PHACTR1: variants seen among roughly 807,000 people sequenced by gnomAD.
The protein encoded by PHACTR1 is phosphatase and actin regulator 1, also known as RPEL repeat containing 1.
A neutral mutation model predicts 69.2 loss-of-function variants in PHACTR1; 16 were observed. That is an observed-to-expected ratio of 0.23 (90% CI 0.16 to 0.35). PHACTR1 has a LOEUF of 0.35. Ranked by LOEUF, PHACTR1 falls within the 10% of genes least tolerant of loss-of-function variation. The pLI, the probability that PHACTR1 is intolerant of heterozygous loss-of-function variation, is 1.00. For synonymous variants in PHACTR1, 312 were observed against 284.5 expected (o/e 1.10, Z -0.97); for missense variants, 510 against 734.7 (o/e 0.69, Z 3.54).
At chr6:12,968,098 G>C (rs1004975638) in intron 4 of PHACTR1, among the ~76,000 whole-genome samples, 1 of 152,106 alleles carries the variant, frequency 6.6e-6, no homozygotes, top group Non-Finnish European at 1.5e-5. Context: ...AACTCTTTCA[G>C]GGAAAAGAAC....
intron 4 of PHACTR1, among the ~76,000 whole-genome samples, chr6:12,951,409 A>T (rs1791278203): frequency 6.6e-6 from 1 of 152,262 alleles, no homozygotes; most frequent in African/African-American, 2.4e-5. Flanking sequence ...TTAGTCAGCC[A>T]GGGATAGCAA....
chr6:13,034,330 T>A (rs1318031890), intron 4 of PHACTR1, among the ~76,000 whole-genome samples: 1 of 152,186 alleles, frequency 6.6e-6, no homozygotes, highest in Admixed American at 6.5e-5. Context: ...ACTTTTCTTT[T>A]TCTAATGCAC....
At chr6:12,837,573 C>A (rs1029317831) in intron 4 of PHACTR1, among the ~76,000 whole-genome samples, 5 of 152,124 alleles carry the variant, frequency 3.3e-5, no homozygotes, top group East Asian at 1.9e-4. Context: ...GAAGAGATAT[C>A]ATTTGTCCAA....
At chr6:13,159,844 GC>G (rs1175055578) in intron 5 of PHACTR1, among the ~76,000 whole-genome samples, 1 of 152,148 alleles carries the variant, frequency 6.6e-6, no homozygotes, top group Non-Finnish European at 1.5e-5. Flanking sequence ...AGAGGCTAAG[GC>G]AGGAGAATCG....
Position 12,926,261 on chromosome 6 carries a change from G to T in PHACTR1, c.251-127104G>T, listed in dbSNP as rs575944161. 1.2e-4 allele frequency among the ~76,000 whole-genome samples: 18 copies of T among 152,174 alleles called. No homozygotes were observed. The South Asian group carries it at 3.7e-3, about 32-fold the overall frequency. On this transcript the variant is annotated intron_variant, in intron 4 of 14. Coordinates refer to ENST00000332995, the MANE Select transcript of PHACTR1 (RefSeq NM_030948.6). ...CTCTTGGATCTTCTCCACCATTTGGGTTTTACATTTTTTCCCTTTGACTCT... is the reference window on the plus strand; with the variant it reads ...CTCTTGGATCTTCTCCACCATTTGGTTTTTACATTTTTTCCCTTTGACTCT...
At chr6:13,053,550 A>G (rs145109959) in intron 5 of PHACTR1, 21 bp downstream of exon 5, 25 of 1,607,936 alleles carry the variant, frequency 1.6e-5, no homozygotes, top group East Asian at 2.2e-5. Flanking sequence ...TTGTTCTTTC[A>G]TTTCCCATTT....
At chr6:12,932,406 G>A (rs1788964569) in intron 4 of PHACTR1, among the ~76,000 whole-genome samples, 1 of 152,008 alleles carries the variant, frequency 6.6e-6, no homozygotes, top group South Asian at 2.1e-4. Flanking sequence ...ATATCTCCAA[G>A]GATAAAAATC....
chr6:13,230,000 A>G, intron 9 of PHACTR1, 37 bp from the exon 10 acceptor site: 3 of 1,563,660 alleles, frequency 1.9e-6, no homozygotes, highest in Non-Finnish European at 2.6e-6. Context: ...CCAGGCAGAT[A>G]TGTAAGCCTT....
At chr6:12,764,228 T>G (rs1171738914) in intron 4 of PHACTR1, among the ~76,000 whole-genome samples, 1 of 152,226 alleles carries the variant, frequency 6.6e-6, no homozygotes, top group Non-Finnish European at 1.5e-5. Context: ...ATTCAAGTTT[T>G]TAATGCATTT....
chr6:13,013,259 T>G (rs1029501538), intron 4 of PHACTR1, among the ~76,000 whole-genome samples: 20 of 152,266 alleles, frequency 1.3e-4, no homozygotes, highest in African/African-American at 4.6e-4. Context: ...ACCCTGGCGT[T>G]AAACAATCTC....
intron 6 of PHACTR1, among the ~76,000 whole-genome samples, chr6:13,175,666 C>T (rs979876627): frequency 1.3e-5 from 2 of 152,084 alleles, no homozygotes; most frequent in South Asian, 2.1e-4. Flanking sequence ...TTACCTGAGG[C>T]GGAAAAAGCA....
intron 7 of PHACTR1, among the ~76,000 whole-genome samples, chr6:13,197,170 T>C (rs887077541): frequency 3.3e-5 from 5 of 152,210 alleles, no homozygotes; most frequent in Non-Finnish European, 7.3e-5. Flanking sequence ...AAGACTACAT[T>C]TGCTGATCTC....
At chr6:12,948,924 A>C (rs961387076) in intron 4 of PHACTR1, among the ~76,000 whole-genome samples, 1 of 152,208 alleles carries the variant, frequency 6.6e-6, no homozygotes, top group Non-Finnish European at 1.5e-5. Flanking sequence ...TTTTTATAAC[A>C]GACATGCTTG....
intron 4 of PHACTR1, among the ~76,000 whole-genome samples, chr6:12,978,962 A>G (rs1241021470): frequency 6.6e-6 from 1 of 152,206 alleles, no homozygotes; most frequent in Non-Finnish European, 1.5e-5. Context: ...TGCAGCAGGA[A>G]TAAGAAAGGG....
At chr6:12,944,758 T>TTTAA in intron 4 of PHACTR1, among the ~76,000 whole-genome samples, 1 of 119,714 alleles carries the variant, frequency 8.4e-6, no homozygotes, top group Non-Finnish European at 1.7e-5. Flanking sequence ...TTTTGAATTA[T>TTTAA]TTATTTATTT....
At chr6:13,195,152 G>A (rs1367026305) in intron 7 of PHACTR1, among the ~76,000 whole-genome samples, 1 of 152,182 alleles carries the variant, frequency 6.6e-6, no homozygotes, top group Admixed American at 6.5e-5. Context: ...TGGAGCTCCT[G>A]TTGACCTCTT....
intron 4 of PHACTR1, among the ~76,000 whole-genome samples, chr6:12,884,759 A>G (rs116323542): frequency 6.6e-6 from 1 of 152,052 alleles, no homozygotes; most frequent in Non-Finnish European, 1.5e-5. Context: ...TCATTCATTC[A>G]TTCACTCATT....
intron 11 of PHACTR1, among the ~76,000 whole-genome samples, chr6:13,277,435 G>A (rs139477486): frequency 1.7e-4 from 26 of 152,330 alleles, no homozygotes; most frequent in African/African-American, 4.3e-4. Context: ...AAAGGTGAGC[G>A]TTTTGAAATT....
intron 7 of PHACTR1, among the ~76,000 whole-genome samples, chr6:13,204,101 G>A (rs1011677248): frequency 2.6e-5 from 4 of 152,134 alleles, no homozygotes; most frequent in Non-Finnish European, 4.4e-5. Flanking sequence ...TTCCAACTGG[G>A]GGAACCAGAG....
Sources: allele counts gnomAD v4.1 joint callset (sites outside exome capture counted in the v4.1 genomes callset), GRCh38; gene constraint gnomAD v4.1.1; transcripts MANE v1.5; gene names NCBI Gene and HGNC (gene_info 2026-07-23, HGNC 2026-07-21).